The following DOCK3 variants were observed in gnomAD, a reference collection of about 807,000 sequenced individuals.
DOCK3 encodes the protein dedicator of cytokinesis 3.
A neutral mutation model predicts 265.6 loss-of-function variants in DOCK3; 60 were observed. That is an observed-to-expected ratio of 0.23 (90% confidence interval 0.18 to 0.28). The LOEUF (loss-of-function observed/expected upper bound fraction) is 0.28, where lower values mean the gene tolerates loss of function less well. DOCK3 is among the 10% of genes least tolerant of loss of function. DOCK3 has a pLI of 1.00. For missense variants in DOCK3, 1,981 were observed against 2,594.3 expected, an observed-to-expected ratio of 0.76 and a Z score of 5.14; for synonymous variants, 881 against 938.0, an observed-to-expected ratio of 0.94 and a Z score of 1.11.
At chr3:51,375,568 C>T (rs2088041210) in intron 50 of DOCK3, among the ~76,000 whole-genome samples, 180 bp from the exon 51 acceptor site, 1 of 152,192 alleles carries the variant, frequency 6.6e-6, no homozygotes, top group East Asian at 1.9e-4. Flanking sequence ...ACCAGACACC[C>T]TGGACAGTCT....
intron 5 of DOCK3, among the ~76,000 whole-genome samples, chr3:50,993,292 TG>T (rs1295345047): frequency 6.6e-6 from 1 of 152,242 alleles, no homozygotes; most frequent in Non-Finnish European, 1.5e-5. Context: ...TTTGGTTACT[TG>T]GCTTCTTTTT....
chr3:51,263,354 A>G (rs1390996426), intron 23 of DOCK3, among the ~76,000 whole-genome samples: 1 of 152,228 alleles, frequency 6.6e-6, no homozygotes, highest in Non-Finnish European at 1.5e-5. Context: ...AAAATCTTTT[A>G]CAGACAAGCA....
intron 10 of DOCK3, among the ~76,000 whole-genome samples, chr3:51,150,813 G>T (rs543808414): frequency 1.3e-5 from 2 of 152,310 alleles, no homozygotes; most frequent in Non-Finnish European, 2.9e-5. Context: ...TGTATATTCT[G>T]TTGATTTGGG....
intron 4 of DOCK3, among the ~76,000 whole-genome samples, chr3:50,910,602 C>T (rs1313126208): frequency 6.6e-6 from 1 of 152,132 alleles, no homozygotes; most frequent in East Asian, 1.9e-4. Context: ...TGTAAGATTA[C>T]CCTCTGGCTG....
intron 27 of DOCK3, among the ~76,000 whole-genome samples, chr3:51,299,187 T>C (rs901463000): frequency 6.6e-6 from 1 of 152,252 alleles, no homozygotes; most frequent in Non-Finnish European, 1.5e-5. Flanking sequence ...TTCAGCTTTT[T>C]TTCACGTGTT....
chr3:50,979,475 A>T (rs1022751059), intron 5 of DOCK3, among the ~76,000 whole-genome samples: 2 of 152,104 alleles, frequency 1.3e-5, no homozygotes, highest in African/African-American at 4.8e-5. Context: ...GTTAGTTTAT[A>T]TGAGCTCTGG....
intron 35 of DOCK3, among the ~76,000 whole-genome samples, chr3:51,335,081 CCT>C (rs2084773267): frequency 6.6e-6 from 1 of 152,102 alleles, no homozygotes; most frequent in Non-Finnish European, 1.5e-5. Flanking sequence ...GATGATGGCC[CCT>C]GTTTATTGAA....
At chr3:50,730,333 G>T (rs1180466984) in intron 1 of DOCK3, among the ~76,000 whole-genome samples, 5 of 152,004 alleles carry the variant, frequency 3.3e-5, no homozygotes, top group Non-Finnish European at 7.4e-5. Flanking sequence ...AGTAGAGATG[G>T]GGTTTTGCCA....
intron 24 of DOCK3, among the ~76,000 whole-genome samples, chr3:51,271,708 A>G (rs952791989): frequency 6.6e-6 from 1 of 152,144 alleles, no homozygotes; most frequent in Admixed American, 6.5e-5. Context: ...AAAATTAGCT[A>G]GGCATGGTGG....
chr3:50,849,328 C>A (rs1293058951), intron 3 of DOCK3, among the ~76,000 whole-genome samples: 1 of 151,852 alleles, frequency 6.6e-6, no homozygotes, highest in Non-Finnish European at 1.5e-5. Context: ...CGCCACCATG[C>A]CTGGCAAAAA....
intron 21 of DOCK3, among the ~76,000 whole-genome samples, chr3:51,238,119 C>CCTTTTTTTTTTTT (rs2078430437): frequency 2.1e-5 from 1 of 47,438 alleles, no homozygotes; most frequent in African/African-American, 8.3e-5. Flanking sequence ...ATATTTACCA[C>CCTTTTTTTTTTTT]TTTTTTTTTT....
chr3:50,935,514 G>T (rs2051310576), intron 5 of DOCK3, among the ~76,000 whole-genome samples: 1 of 152,166 alleles, frequency 6.6e-6, no homozygotes, highest in South Asian at 2.1e-4. Flanking sequence ...ACTTTCCATG[G>T]AGAAACCTGT....
At chr3:50,923,285 A>C (rs1296362233) in intron 4 of DOCK3, among the ~76,000 whole-genome samples, 1 of 152,104 alleles carries the variant, frequency 6.6e-6, no homozygotes. Flanking sequence ...ATAGATTCCC[A>C]GTAGTGGGAT....
intron 1 of DOCK3, among the ~76,000 whole-genome samples, chr3:50,747,749 A>G (rs1234691970): frequency 6.6e-6 from 1 of 152,072 alleles, no homozygotes; most frequent in Non-Finnish European, 1.5e-5. Context: ...CTATAATCCC[A>G]GCTGCTCAGG....
intron 12 of DOCK3, among the ~76,000 whole-genome samples, chr3:51,200,280 T>G (rs1218537088): frequency 6.6e-6 from 1 of 151,474 alleles, no homozygotes; most frequent in Non-Finnish European, 1.5e-5. Flanking sequence ...GTTAAAAACT[T>G]TGAAAAAAAT....
chr3:50,887,801 A>G (rs1381975908), intron 3 of DOCK3, among the ~76,000 whole-genome samples: 2 of 148,370 alleles, frequency 1.3e-5, no homozygotes, highest in African/African-American at 2.5e-5. Flanking sequence ...AAGGTCTCCA[A>G]TAAAATTCTA....
chr3:50,699,214 C>T (rs2035866149), intron 1 of DOCK3, among the ~76,000 whole-genome samples: 1 of 152,158 alleles, frequency 6.6e-6, no homozygotes, highest in African/African-American at 2.4e-5. Context: ...TGTCAAAAAT[C>T]ATTTGACCAT....
At chr3:50,800,430 G>T (rs577285339) in intron 2 of DOCK3, among the ~76,000 whole-genome samples, 1 of 152,114 alleles carries the variant, frequency 6.6e-6, no homozygotes, top group South Asian at 2.1e-4. Flanking sequence ...TATGTTGTAG[G>T]TGTCCAGGAA....
chr3:50,804,215 T>C (rs2043259412), intron 2 of DOCK3, among the ~76,000 whole-genome samples: 1 of 142,950 alleles, frequency 7.0e-6, no homozygotes, highest in Non-Finnish European at 1.5e-5. Flanking sequence ...ACTTCCTAGA[T>C]AGGATGGCGG....
Sources: gnomAD v4.1 joint callset for allele counts (sites outside exome capture counted in the v4.1 genomes callset) on GRCh38, gnomAD v4.1.1 for gene constraint, MANE v1.5 for transcripts, NCBI Gene and HGNC (gene_info 2026-07-23, HGNC 2026-07-21) for gene names.